SHTN1: variants seen among roughly 807,000 people sequenced by gnomAD.
The protein encoded by SHTN1 is shootin 1, also known as shootin-1.
Under a neutral mutation model 83.1 loss-of-function variants are expected in SHTN1, and 42 were observed. The ratio of observed to expected loss-of-function variants is 0.51; its 90% CI spans 0.39 to 0.65. The LOEUF (loss-of-function observed/expected upper bound fraction) is 0.65. SHTN1 is among the 30% of genes least tolerant of loss of function. The pLI, the probability that SHTN1 is intolerant of heterozygous loss-of-function variation, is 0.00. For missense variants in SHTN1, 622 were observed against 737.8 expected (o/e 0.84, Z 1.82); for synonymous variants, 224 against 247.7 (o/e 0.90, Z 0.90).
At chr10:116,916,732 G>A (rs1160717118) in intron 12 of SHTN1, among the ~76,000 whole-genome samples, 1 of 152,148 alleles carries the variant, frequency 6.6e-6, no homozygotes, top group Non-Finnish European at 1.5e-5. Context: ...AAGCGCCTAG[G>A]GGAGCAACTA....
chr10:116,912,687 A>G (rs1170299616), intron 13 of SHTN1, among the ~76,000 whole-genome samples: 5 of 152,170 alleles, frequency 3.3e-5, no homozygotes, highest in African/African-American at 1.2e-4. Flanking sequence ...AAGTAAGTTC[A>G]GGAAAGACTT....
In SHTN1 at chr10:116,901,890, T is replaced by TA. The variant is rs1847752446; in HGVS notation, c.1547dup (p.Thr517AsnfsTer23). On this transcript the variant is annotated frameshift_variant, in exon 16 of 17. Coordinates refer to ENST00000355371, the MANE Select transcript of SHTN1 (RefSeq NM_001127211.3). LOFTEE classifies it high-confidence loss of function. ...TTTTCTTGTTCAAGGCTGTTTTTGT[T>TA]ACACTGGATACAGAACCCAACACTG... is the stretch of plus-strand genomic sequence containing the variant. 6.2e-7 allele frequency: 1 copy of TA among 1,608,130 alleles called. No individual in the cohort carries two copies. The highest frequency in any genetic ancestry group is 8.5e-7 in the Non-Finnish European group (1 of 1,177,978).
chr10:116,939,367 G>A (rs1198907976), intron 9 of SHTN1, among the ~76,000 whole-genome samples: 2 of 152,192 alleles, frequency 1.3e-5, no homozygotes, highest in Non-Finnish European at 2.9e-5. Flanking sequence ...CTGGGCTGGA[G>A]AGCACCATTC....
At position 116,886,356 on chromosome 10, in the gene SHTN1, G is replaced by A. The variant is rs1847162383; in HGVS notation, c.1884C>T (p.Ser628=). The stretch of plus-strand genomic sequence containing the variant: ...TCTGGTTTATGGATCAGCAGTTGGA[G>A]CTGTCTGTCTCTCTCACGTTTTCAA... The part of the protein sequence containing the change: ...DSIENVRETD[S]SNC The change falls in exon 17 of 17, where the codon AGC becomes AGT. Residue 628 remains serine (S), a synonymous_variant. Transcript: ENST00000355371. 3 of 1,553,548 alleles carry A rather than the reference G, an allele frequency of 1.9e-6. No homozygotes were observed. The highest frequency in any genetic ancestry group is 1.7e-6 in the Non-Finnish European group (2 of 1,147,624).
At chr10:116,934,698 C>T (rs1173151692) in intron 9 of SHTN1, among the ~76,000 whole-genome samples, 1 of 151,918 alleles carries the variant, frequency 6.6e-6, no homozygotes, top group East Asian at 1.9e-4. Context: ...TTTTCTAATT[C>T]TGTGAAGAAA....
At chr10:116,988,677 T>C (rs1851310571) in intron 1 of SHTN1, among the ~76,000 whole-genome samples, 1 of 151,960 alleles carries the variant, frequency 6.6e-6, no homozygotes. Context: ...GTCTCTCCAG[T>C]TACAGATGCA....
chr10:116,980,705 T>C (rs1450162587), intron 1 of SHTN1, among the ~76,000 whole-genome samples: 1 of 152,184 alleles, frequency 6.6e-6, no homozygotes, highest in Non-Finnish European at 1.5e-5. Flanking sequence ...TCCAGAAATG[T>C]ATGATTCTAA....
At chr10:116,989,089 A>G (rs1676484592) in intron 1 of SHTN1, among the ~76,000 whole-genome samples, 1 of 152,190 alleles carries the variant, frequency 6.6e-6, no homozygotes, top group South Asian at 2.1e-4. Flanking sequence ...CAGTATTTTT[A>G]AAATGAACTT....
At chr10:117,070,339 G>A (rs1853062126) in intron 1 of SHTN1, among the ~76,000 whole-genome samples, 1 of 151,978 alleles carries the variant, frequency 6.6e-6, no homozygotes, top group African/African-American at 2.4e-5. Context: ...CCAGATTCTA[G>A]TTTAAAACCA....
chr10:116,993,531 T>C (rs567603695), intron 1 of SHTN1, among the ~76,000 whole-genome samples: 1 of 152,286 alleles, frequency 6.6e-6, no homozygotes, highest in Admixed American at 6.5e-5. Flanking sequence ...AAAACAACTA[T>C]GTCTTCTGAG....
chr10:116,940,414 T>C (rs1849326020), intron 9 of SHTN1, 52 bp downstream of exon 9: 14 of 1,556,400 alleles, frequency 9.0e-6, no homozygotes, highest in Admixed American at 1.7e-5. Context: ...AATATATGTG[T>C]GTATGCATGT....
chr10:117,114,158 G>C (rs1853809930), intron 1 of SHTN1, among the ~76,000 whole-genome samples: 1 of 152,214 alleles, frequency 6.6e-6, no homozygotes, highest in Non-Finnish European at 1.5e-5. Context: ...GCAGCAAGCT[G>C]TAATCATGCC....
At chr10:117,058,170 C>T (rs867743216) in intron 1 of SHTN1, among the ~76,000 whole-genome samples, 3 of 152,104 alleles carry the variant, frequency 2.0e-5, no homozygotes, top group Non-Finnish European at 4.4e-5. Flanking sequence ...AAAAAATAGA[C>T]AAGTTGGACT....
chr10:117,013,960 T>C (rs1852144235), intron 2 of SHTN1, among the ~76,000 whole-genome samples: 1 of 152,182 alleles, frequency 6.6e-6, no homozygotes, highest in Non-Finnish European at 1.5e-5. Context: ...AATATATACA[T>C]CAATTTTAAA....
chr10:117,119,310 T>C (rs1022360528), intron 1 of SHTN1, among the ~76,000 whole-genome samples: 1 of 152,032 alleles, frequency 6.6e-6, no homozygotes, highest in Non-Finnish European at 1.5e-5. Flanking sequence ...AAGAGATCAA[T>C]AACCAAAATA....
intron 1 of SHTN1, among the ~76,000 whole-genome samples, chr10:117,084,948 G>C (rs1853328653): frequency 6.6e-6 from 1 of 152,152 alleles, no homozygotes; most frequent in Non-Finnish European, 1.5e-5. Flanking sequence ...GCACTCCCTA[G>C]TGAGATGAAC....
chr10:117,070,045 C>A (rs1853058591), intron 1 of SHTN1, among the ~76,000 whole-genome samples: 1 of 151,612 alleles, frequency 6.6e-6, no homozygotes, highest in Admixed American at 6.6e-5. Context: ...AAGTAAAGAC[C>A]TTTGCTTTTA....
At chr10:117,021,504 A>T (rs925394092) in intron 2 of SHTN1, among the ~76,000 whole-genome samples, 1 of 152,206 alleles carries the variant, frequency 6.6e-6, no homozygotes, top group Non-Finnish European at 1.5e-5. Context: ...GCATGTTGGA[A>T]ATTTTCATAC....
chr10:116,886,782 C>G (rs1462782095), intron 16 of SHTN1, among the ~76,000 whole-genome samples: 1 of 152,168 alleles, frequency 6.6e-6, no homozygotes, highest in Non-Finnish European at 1.5e-5. Context: ...AGAAAGAAGG[C>G]AGAGAAAGAG....
Sources: gnomAD v4.1 joint callset for allele counts (sites outside exome capture counted in the v4.1 genomes callset) on GRCh38, gnomAD v4.1.1 for gene constraint, MANE v1.5 for transcripts, NCBI Gene and HGNC (gene_info 2026-07-23, HGNC 2026-07-21) for gene names.